Variants in RPH3A observed in about 807,000 individuals in gnomAD.
RPH3A encodes rabphilin 3A.
RPH3A carries 48 observed loss-of-function variants against 102.2 expected under a neutral mutation model. That is an observed-to-expected ratio of 0.47 (90% confidence interval 0.37 to 0.60). The LOEUF (loss-of-function observed/expected upper bound fraction) is 0.60. RPH3A is among the 20% of genes least tolerant of loss of function. The pLI, the probability that RPH3A is intolerant of heterozygous loss-of-function variation, is 0.00. For missense variants in RPH3A, 781 were observed against 910.1 expected, an observed-to-expected ratio of 0.86 and a Z score of 1.83; for synonymous variants, 310 against 324.3, an observed-to-expected ratio of 0.96 and a Z score of 0.47.
chr12:112,820,643 T>C (rs1426854180), intron 2 of RPH3A, among the ~76,000 whole-genome samples: 3 of 152,204 alleles, frequency 2.0e-5, no homozygotes, highest in African/African-American at 7.2e-5. Context: ...AAGTAGGTAG[T>C]GCTGGGATGA....
chr12:112,693,417 C>A (rs1017294429), intron 1 of RPH3A, among the ~76,000 whole-genome samples: 2 of 152,190 alleles, frequency 1.3e-5, no homozygotes, highest in Non-Finnish European at 2.9e-5. Context: ...ATCTTTGGAA[C>A]CTTTCTGATG....
chr12:112,786,783 T>G (rs1460584285), upstream of RPH3A, among the ~76,000 whole-genome samples: 1 of 152,224 alleles, frequency 6.6e-6, no homozygotes, highest in Non-Finnish European at 1.5e-5. Flanking sequence ...CTGGCAGACT[T>G]GCTATATTGG....
chr12:112,717,460 T>C (rs1337798336), intron 1 of RPH3A, among the ~76,000 whole-genome samples: 1 of 152,150 alleles, frequency 6.6e-6, no homozygotes, highest in Non-Finnish European at 1.5e-5. Flanking sequence ...CTTTTAATTA[T>C]ATATACTTTC....
rs557251529 is a variant in RPH3A, at chr12:112,591,058, T to G, written c.-140+15739T>G. Among the ~76,000 whole-genome samples the G allele has an allele frequency of 2.0e-5, 3 of 152,242 alleles. No homozygotes were observed. In the South Asian group the frequency reaches 6.2e-4, roughly 32 times the overall value. The stretch of plus-strand genomic sequence containing the variant: ...GTCTTGCACTCCTGGCCTCAAGGGA[T>G]CCTCCCACCTCAGCCTCCTAAGTAG... On this transcript the variant is annotated intron_variant, in intron 1 of 21. Transcript: ENST00000543106.
chr12:112,829,415 C>T (rs962345325), intron 3 of RPH3A, among the ~76,000 whole-genome samples: 1 of 151,900 alleles, frequency 6.6e-6, no homozygotes, highest in African/African-American at 2.4e-5. Flanking sequence ...GGACTACAGG[C>T]ATGCACCACC....
chr12:112,737,591 G>A (rs1016584857), intron 1 of RPH3A, among the ~76,000 whole-genome samples: 21 of 152,196 alleles, frequency 1.4e-4, no homozygotes, highest in African/African-American at 5.1e-4. Context: ...GACATGGCTA[G>A]TTGATCCTGC....
At chr12:112,598,360 A>G (rs1410437177) in intron 1 of RPH3A, among the ~76,000 whole-genome samples, 1 of 152,210 alleles carries the variant, frequency 6.6e-6, no homozygotes, top group Non-Finnish European at 1.5e-5. Context: ...TGTTAGGGAC[A>G]TCAGTAGTGT....
intron 5 of RPH3A, among the ~76,000 whole-genome samples, chr12:112,849,765 A>G (rs1191636896): frequency 6.6e-6 from 1 of 152,160 alleles, no homozygotes; most frequent in Non-Finnish European, 1.5e-5. Context: ...CTATCTCCCA[A>G]CTTCTTTCTA....
chr12:112,731,863 C>T (rs2040636334), intron 1 of RPH3A, among the ~76,000 whole-genome samples: 1 of 152,098 alleles, frequency 6.6e-6, no homozygotes, highest in African/African-American at 2.4e-5. Context: ...TTTTTCTCTC[C>T]CTTTCTCTTG....
At chr12:112,710,650 C>T (rs2136034838) in intron 1 of RPH3A, among the ~76,000 whole-genome samples, 1 of 152,274 alleles carries the variant, frequency 6.6e-6, no homozygotes, top group Non-Finnish European at 1.5e-5. Context: ...GCAGTTTTGC[C>T]TGGAGCTTAA....
intron 1 of RPH3A, among the ~76,000 whole-genome samples, chr12:112,732,094 T>C (rs919412171): frequency 6.6e-6 from 1 of 152,222 alleles, no homozygotes; most frequent in Non-Finnish European, 1.5e-5. Context: ...GATGATCTAA[T>C]CGCAAACAAG....
At chr12:112,743,462 C>T (rs1339292148) in intron 1 of RPH3A, among the ~76,000 whole-genome samples, 4 of 152,116 alleles carry the variant, frequency 2.6e-5, no homozygotes, top group East Asian at 1.9e-4. Flanking sequence ...AGCTCCACAC[C>T]GTCTGGTGTT....
chr12:112,883,553 G>GAT (rs1282962473), intron 16 of RPH3A, 151 bp downstream of exon 16: 2 of 617,670 alleles, frequency 3.2e-6, no homozygotes, highest in Non-Finnish European at 5.7e-6. Context: ...ACCAAAAAAT[G>GAT]ATATATATAT....
intron 1 of RPH3A, among the ~76,000 whole-genome samples, chr12:112,723,259 G>A (rs529883717): frequency 6.6e-6 from 1 of 152,226 alleles, no homozygotes; most frequent in East Asian, 1.9e-4. Context: ...AAGCCTTACC[G>A]ATAACATAAA....
At chr12:112,650,379 C>A (rs1487259995) in intron 1 of RPH3A, among the ~76,000 whole-genome samples, 1 of 152,204 alleles carries the variant, frequency 6.6e-6, no homozygotes, top group Admixed American at 6.5e-5. Flanking sequence ...ACTGAGAAGA[C>A]AGGCTTGATC....
At position 112,683,923 on chromosome 12, in the gene RPH3A, G is replaced by C. The variant is rs114729399; in HGVS notation, c.-139-108220G>C. Among the ~76,000 whole-genome samples, 647 of 152,130 alleles carry C rather than the reference G, an allele frequency of 4.3e-3. 6 individuals are homozygous for C. The highest frequency in any genetic ancestry group is 0.015 in the African/African-American group (620 of 41,484). On this transcript the variant is annotated intron_variant, in intron 1 of 21. Transcript: ENST00000543106. ...CTTTATTAATAATGGTTCTAAGCTT[G>C]TTACATATCAGAGCTGTTTAAAAGG...
chr12:112,858,349 C>T (rs182793011), intron 5 of RPH3A, among the ~76,000 whole-genome samples: 30 of 151,602 alleles, frequency 2.0e-4, no homozygotes, highest in African/African-American at 6.5e-4. Flanking sequence ...TGGGTCTCCT[C>T]CACTGAAAGC....
chr12:112,787,548 C>T (rs1441794419), upstream of RPH3A, among the ~76,000 whole-genome samples: 1 of 152,104 alleles, frequency 6.6e-6, no homozygotes, highest in Non-Finnish European at 1.5e-5. Context: ...AAGCATGGCA[C>T]CTGGTAAATA....
At chr12:112,592,607 C>A (rs970166742) in intron 1 of RPH3A, among the ~76,000 whole-genome samples, 2 of 152,246 alleles carry the variant, frequency 1.3e-5, no homozygotes, top group Non-Finnish European at 2.9e-5. Context: ...GCATGAGCCA[C>A]TGTCCCTGGC....
Sources: allele counts gnomAD v4.1 joint callset (sites outside exome capture counted in the v4.1 genomes callset), GRCh38; gene constraint gnomAD v4.1.1; transcripts MANE v1.5; gene names NCBI Gene and HGNC (gene_info 2026-07-23, HGNC 2026-07-21).